Variants in DHDH observed in about 807,000 individuals in gnomAD.
DHDH encodes dihydrodiol dehydrogenase.
Under a neutral mutation model 33.2 loss-of-function variants are expected in DHDH, and 29 were observed. The ratio of observed to expected loss-of-function variants is 0.87; its 90% CI spans 0.65 to 1.19. The LOEUF (loss-of-function observed/expected upper bound fraction) is 1.19, where lower values mean the gene tolerates loss of function less well. Among genes scored for constraint, DHDH ranks in the 50% most tolerant of loss-of-function variants. The probability of loss-of-function intolerance (pLI) is 0.00; values close to 1 mark genes in which losing one functional copy is unlikely to be tolerated. For missense variants in DHDH, 431 were observed against 455.0 expected (o/e 0.95, Z 0.48); for synonymous variants, 201 against 187.9 (o/e 1.07, Z -0.57).
chr19:48,944,925 A>G lies in DHDH; in HGVS notation c.997A>G (p.Lys333Glu). 1 of 1,613,910 alleles carries G rather than the reference A, an allele frequency of 6.2e-7. No individual in the cohort carries two copies. Among genetic ancestry groups the G allele is most frequent in the South Asian group, 1.1e-5 (1 of 91,062 alleles). Residue 333 changes from lysine (K) to glutamate (E), a missense_variant, in exon 7 of 7, where the codon AAA becomes GAA. Coordinates refer to ENST00000221403, the MANE Select transcript of DHDH (RefSeq NM_014475.4). ...CATTGGAGTCACCTTCCCCCAAGAC[A>G]AACGCTGATGTATCCCCGAATAAAT... ...KAIGVTFPQD[K>E]R
Position 48,944,479 on chromosome 19 carries a change from CAAGCACGTCTGGGAGTGCCT to C in DHDH, c.869_888del (p.Lys290ThrfsTer16). The C allele has an allele frequency of 1.2e-6, 2 of 1,610,628 alleles. No homozygotes were observed. Among genetic ancestry groups the C allele is most frequent in the Non-Finnish European group, 1.7e-6 (2 of 1,177,834 alleles). On this transcript the variant is annotated frameshift_variant, in exon 6 of 7. Transcript: ENST00000221403. LOFTEE classifies it high-confidence loss of function. Reference sequence around the variant, plus strand: ...ACGGGGCAGGCATGAGTTATGAGGCCAAGCACGTCTGGGAGTGCCTACGCAAGGGTAAGGATATGGATGCG... The same window carrying C: ...ACGGGGCAGGCATGAGTTATGAGGCCACGCAAGGGTAAGGATATGGATGCG...
At chr19:48,933,647 C>T, upstream of DHDH, 2 of 1,438,624 alleles carry the variant, frequency 1.4e-6, no homozygotes, top group East Asian at 4.6e-5. Flanking sequence ...GACCCGCCCC[C>T]GGGGTGGGCG....
At chr19:48,944,600 A>C (rs2037914969) in intron 6 of DHDH, 93 bp downstream of exon 6, 1 of 1,514,218 alleles carries the variant, frequency 6.6e-7, no homozygotes. Flanking sequence ...TTAGAACTAC[A>C]TCTCCCAGGA....
intron 1 of DHDH, among the ~76,000 whole-genome samples, chr19:48,934,511 C>G (rs904269844): frequency 1.3e-5 from 2 of 152,192 alleles, no homozygotes; most frequent in Non-Finnish European, 2.9e-5. Context: ...GCGGACCATT[C>G]CCATTCCTTC....
At chr19:48,936,933 G>A (rs539067086) in intron 3 of DHDH, among the ~76,000 whole-genome samples, 243 of 151,532 alleles carry the variant, frequency 1.6e-3, no homozygotes, top group Non-Finnish European at 2.8e-3. Context: ...ACAGGCGCCC[G>A]CCACCATGCC....
At position 48,936,016 on chromosome 19, in the gene DHDH, C is replaced by T. The variant is rs1568595229; in HGVS notation, c.203-16C>T. 9 of 1,585,022 alleles carry T rather than the reference C, an allele frequency of 5.7e-6. No individual in the cohort carries two copies. The South Asian group carries it at 1.0e-4, about 18-fold the overall frequency. On this transcript the variant is annotated splice_polypyrimidine_tract_variant and intron_variant, in intron 2 of 6. Transcript: ENST00000221403. ...GTGGGCGGGGCTGCTGACCTCTTGA[C>T]CTACTCCCACCCTAGAGGTGGCCTA...
At chr19:48,935,607 G>A (rs968105258) in intron 2 of DHDH, among the ~76,000 whole-genome samples, 10 of 151,762 alleles carry the variant, frequency 6.6e-5, no homozygotes, top group Non-Finnish European at 8.8e-5. Flanking sequence ...CATGAGGTCC[G>A]GAGATGGAGA....
At chr19:48,940,431 G>A (rs1056534560) in intron 4 of DHDH, among the ~76,000 whole-genome samples, 7 of 151,094 alleles carry the variant, frequency 4.6e-5, no homozygotes, top group Non-Finnish European at 7.4e-5. Flanking sequence ...GTATCCAAGA[G>A]TGCCTGAGCC....
chr19:48,940,490 G>A (rs2037843849), intron 4 of DHDH, among the ~76,000 whole-genome samples: 1 of 151,224 alleles, frequency 6.6e-6, no homozygotes, highest in South Asian at 2.1e-4. Context: ...CAAGGAGCAA[G>A]AGGCAGTTCA....
chr19:48,939,597 G>GT lies in DHDH; in HGVS notation c.515_516insT (p.Ala173GlyfsTer33), dbSNP rs1330330422. 2 of 1,614,110 alleles carry GT rather than the reference G, an allele frequency of 1.2e-6. No homozygotes were observed. The highest frequency in any genetic ancestry group is 2.2e-5 in the East Asian group (1 of 44,874). On this transcript the variant is annotated frameshift_variant, in exon 4 of 7. Transcript: ENST00000221403. LOFTEE classifies it high-confidence loss of function. ...GCCGTAGACCGGGCCCAGGCTGGGG[G>GT]GGCCCTGCTGGACATCGGCATCTAC...
chr19:48,933,917 T>G, intron 1 of DHDH, 106 bp downstream of exon 1: 2 of 1,002,756 alleles, frequency 2.0e-6, no homozygotes, highest in Admixed American at 4.3e-5. Flanking sequence ...GGGTCGTCAT[T>G]GCAGTGAAAC....
intron 4 of DHDH, 49 bp from the exon 5 acceptor site, chr19:48,942,391 A>G (rs1346359661): frequency 6.6e-7 from 1 of 1,518,500 alleles, no homozygotes. Context: ...GTGCAGTCTC[A>G]GAGACTCTGC....
intron 5 of DHDH, among the ~76,000 whole-genome samples, chr19:48,943,055 C>A (rs1288788535): frequency 1.4e-5 from 2 of 140,764 alleles, no homozygotes. Context: ...AACTCCATCT[C>A]AAAAAAAAAA....
intron 3 of DHDH, among the ~76,000 whole-genome samples, chr19:48,937,941 G>T (rs1338314335): frequency 2.6e-5 from 4 of 152,060 alleles, no homozygotes; most frequent in Middle Eastern, 3.4e-3. Flanking sequence ...GTCTCCCCTG[G>T]AATGTCACCT....
intron 6 of DHDH, 107 bp downstream of exon 6, chr19:48,944,614 T>G (rs1413526947): frequency 6.7e-7 from 1 of 1,490,672 alleles, no homozygotes; most frequent in Non-Finnish European, 9.0e-7. Context: ...CCCAGGAGGT[T>G]GCAGTGAGCC....
chr19:48,942,450 C>G lies in DHDH; in HGVS notation c.630C>G (p.Asp210Glu). 6.2e-7 allele frequency: 1 copy of G among 1,608,052 alleles called. No individual in the cohort carries two copies. Among genetic ancestry groups the G allele is most frequent in the Non-Finnish European group, 8.5e-7 (1 of 1,175,822 alleles). Residue 210 changes from aspartate (D) to glutamate (E), a missense_variant, in exon 5 of 7, where the codon GAC (aspartate) becomes GAG (glutamate). Transcript: ENST00000221403. The stretch of plus-strand genomic sequence containing the variant: ...AGGACTTCCCTCCAGGTGTGGATGA[C>G]ACTGTCACGGTGCTCCTGCAGTACC... ...VGRRHETGVD[D>E]TVTVLLQYPG...
chr19:48,944,392 G>A lies in DHDH; in HGVS notation c.780G>A (p.Val260=). ...LNPCWCPTEL[V]VKGEHKEFPL... is the part of the protein sequence containing the mutation. ...CCTGCTGGTGCCCGACCGAGCTGGTGGTGAAGGGGGAGCATAAGGAGTTCC... is the reference window on the plus strand; with the variant it reads ...CCTGCTGGTGCCCGACCGAGCTGGTAGTGAAGGGGGAGCATAAGGAGTTCC... Residue 260 remains valine, a synonymous_variant, in exon 6 of 7, where the codon GTG becomes GTA. Transcript: ENST00000221403. 1 of 1,614,170 alleles carries A rather than the reference G, an allele frequency of 6.2e-7. No homozygotes were observed. Among genetic ancestry groups the A allele is most frequent in the Non-Finnish European group, 8.5e-7 (1 of 1,180,030 alleles).
At chr19:48,937,811 TAAAAAAAA>T (rs539240060) in intron 3 of DHDH, among the ~76,000 whole-genome samples, 118 of 127,232 alleles carry the variant, frequency 9.3e-4, no homozygotes, top group African/African-American at 1.6e-3. Flanking sequence ...AGACTGTCTT[TAAAAAAAA>T]AAAAAAAAAA....
upstream of DHDH, among the ~76,000 whole-genome samples, chr19:48,933,216 G>A (rs1028029211): frequency 6.6e-6 from 1 of 152,182 alleles, no homozygotes; most frequent in Non-Finnish European, 1.5e-5. Context: ...AGAAGGTAAA[G>A]CGCAGAGCTG....
Sources: allele counts gnomAD v4.1 joint callset (sites outside exome capture counted in the v4.1 genomes callset), GRCh38; gene constraint gnomAD v4.1.1; transcripts MANE v1.5; gene names NCBI Gene and HGNC (gene_info 2026-07-23, HGNC 2026-07-21).